The following CACNA1A variants were observed in gnomAD, a reference collection of about 807,000 sequenced individuals.
The protein encoded by CACNA1A is calcium voltage-gated channel subunit alpha1 A.
In CACNA1A, 57 loss-of-function variants were observed where a neutral mutation model predicts 262.4. That is an observed-to-expected ratio of 0.22 (90% confidence interval 0.18 to 0.27). The LOEUF (loss-of-function observed/expected upper bound fraction) is 0.27. CACNA1A is among the 10% of genes least tolerant of loss of function. CACNA1A has a pLI of 1.00. For missense variants in CACNA1A, 2,526 were observed against 3,562.8 expected, an observed-to-expected ratio of 0.71 and a Z score of 7.41; for synonymous variants, 1,431 against 1,419.3, an observed-to-expected ratio of 1.01 and a Z score of -0.18.
chr19:13,392,233 A>AAAAG (rs1226919252), intron 3 of CACNA1A, among the ~76,000 whole-genome samples: 2 of 152,074 alleles, frequency 1.3e-5, no homozygotes, highest in South Asian at 2.1e-4. Context: ...AAGAAAAGAA[A>AAAAG]AAAGAAAGAA....
intron 19 of CACNA1A, among the ~76,000 whole-genome samples, chr19:13,294,690 T>C (rs902720514): frequency 5.9e-5 from 9 of 152,096 alleles, no homozygotes; most frequent in African/African-American, 2.2e-4. Flanking sequence ...GGTTTTGCCA[T>C]GTTGGCCAAG....
intron 5 of CACNA1A, among the ~76,000 whole-genome samples, chr19:13,360,373 T>C (rs1442682833): frequency 6.6e-6 from 1 of 151,692 alleles, no homozygotes; most frequent in Non-Finnish European, 1.5e-5. Context: ...TGATTCACCA[T>C]GTACCTATCA....
Position 13,208,878 on chromosome 19 carries a change from G to A in CACNA1A, c.6658C>T (p.Pro2220Ser). ...HHHHHHHHHHPPPPDKDRYAQ... is the reference protein window; with the variant it reads ...HHHHHHHHHHSPPPDKDRYAQ... ...TAGCGGTCCTTGTCGGGGGGCGGGGGATGGTGGTGGTGGTGGTGGTGGTGG... is the reference window on the plus strand; with the variant it reads ...TAGCGGTCCTTGTCGGGGGGCGGGGAATGGTGGTGGTGGTGGTGGTGGTGG... Residue 2220 changes from proline (P) to serine (S), a missense_variant, in exon 46 of 47, where the codon CCC (proline) becomes TCC (serine). By Grantham distance (74) the Pro-to-Ser change is moderately conservative (BLOSUM62 -1). This residue lies in a region of CACNA1A where 929 missense variants were observed against 868.1 expected (regional missense o/e 1.07). Coordinates refer to ENST00000360228, the MANE Select transcript of CACNA1A (RefSeq NM_001127222.2). 8.2e-7 allele frequency: 1 copy of A among 1,226,858 alleles called. No homozygotes were observed. The highest frequency in any genetic ancestry group is 1.1e-6 in the Non-Finnish European group (1 of 922,654). The allele number at this position is 1,226,858 out of a possible 1,614,324, so 76.0% of individuals were successfully genotyped here. A position where few individuals can be genotyped will look rare whatever the true frequency, so the allele number is the denominator to read the frequency against.
chr19:13,363,504 C>A (rs201458776), intron 5 of CACNA1A: 8,235 of 98,650 alleles, frequency 0.083, 416 homozygotes, highest in East Asian at 0.23. Flanking sequence ...AAAAAAAAAA[C>A]CAACAAACCA....
In CACNA1A at chr19:13,312,681, G is replaced by T; in HGVS notation, c.1656C>A (p.Cys552Ter). Residue 552 changes from cysteine (C) to a stop codon, truncating the protein, a stop_gained, in exon 12 of 47, where the codon TGC becomes TGA. Coordinates refer to ENST00000360228, the MANE Select transcript of CACNA1A (RefSeq NM_001127222.2). LOFTEE classifies it high-confidence loss of function. ...CAAGAGCACTTACCCCACAGTCAAA[G>T]CAGTTGAAGGAAGAGTGGAAGTAAG... ...TRPYFHSSFN[C>*]FDCGVIIGSI... 1 of 1,583,510 alleles carries T rather than the reference G, an allele frequency of 6.3e-7. No homozygotes were observed. The highest frequency in any genetic ancestry group is 8.6e-7 in the Non-Finnish European group (1 of 1,164,542).
Position 13,370,443 on chromosome 19 carries a change from T to C in CACNA1A, c.631+1245A>G, listed in dbSNP as rs116535646. 7.8e-3 allele frequency among the ~76,000 whole-genome samples: 1,184 copies of C among 151,988 alleles called. 15 individuals are homozygous for C. Among genetic ancestry groups the C allele is most frequent in the African/African-American group, 0.026 (1,071 of 41,474 alleles). ...TTTTTAAACTTTTTGTTGTCTGTTT[T>C]TTTGAGACAAGGTCTCACTCTGTTG... On this transcript the variant is annotated intron_variant, in intron 4 of 46. Transcript: ENST00000360228.
At chr19:13,318,256 A>AG (rs1157269020) in intron 10 of CACNA1A, among the ~76,000 whole-genome samples, 1 of 152,166 alleles carries the variant, frequency 6.6e-6, no homozygotes, top group African/African-American at 2.4e-5. Flanking sequence ...TTAGTATCTT[A>AG]GGTAGAGGAA....
intron 3 of CACNA1A, among the ~76,000 whole-genome samples, chr19:13,407,471 A>T (rs879637948): frequency 2.0e-5 from 3 of 152,206 alleles, no homozygotes; most frequent in Admixed American, 2.0e-4. Context: ...CAGGCTTGTT[A>T]CAAGAATTAA....
intron 7 of CACNA1A, among the ~76,000 whole-genome samples, chr19:13,335,508 T>C (rs1467580011): frequency 6.6e-6 from 1 of 152,254 alleles, no homozygotes. Flanking sequence ...AATACACCGT[T>C]AGAGCATATG....
chr19:13,482,874 GT>G (rs1979517307), intron 1 of CACNA1A, among the ~76,000 whole-genome samples: 1 of 151,448 alleles, frequency 6.6e-6, no homozygotes, highest in East Asian at 1.9e-4. Context: ...GTGTGTGTGT[GT>G]GTGTGTGTGT....
At chr19:13,494,078 CATG>C (rs1165744496) in intron 1 of CACNA1A, among the ~76,000 whole-genome samples, 1 of 152,210 alleles carries the variant, frequency 6.6e-6, no homozygotes, top group East Asian at 1.9e-4. Flanking sequence ...ATACAAGCTC[CATG>C]ATACTTAAGA....
chr19:13,215,729 G>A (rs1388565016), intron 38 of CACNA1A, among the ~76,000 whole-genome samples: 3 of 150,782 alleles, frequency 2.0e-5, no homozygotes, highest in African/African-American at 4.9e-5. Flanking sequence ...AGATTCTCCC[G>A]CTTCAGCTTC....
chr19:13,243,741 T>C (rs1044938023), intron 31 of CACNA1A: 1 of 152,150 alleles, frequency 6.6e-6, no homozygotes, highest in Non-Finnish European at 1.5e-5. Flanking sequence ...GTATTGTCAG[T>C]AGAGATGGGG....
At chr19:13,359,889 G>T in intron 5 of CACNA1A, 90 bp from the exon 6 acceptor site, 2 of 835,420 alleles carry the variant, frequency 2.4e-6, no homozygotes, top group Non-Finnish European at 3.6e-6. Flanking sequence ...AATGCTGTTG[G>T]AACGAATAAC....
chr19:13,266,865 G>A (rs1245882603), intron 24 of CACNA1A, among the ~76,000 whole-genome samples: 1 of 152,152 alleles, frequency 6.6e-6, no homozygotes, highest in African/African-American at 2.4e-5. Context: ...GTGAGCCACC[G>A]TGTCTGGCCC....
intron 3 of CACNA1A, among the ~76,000 whole-genome samples, chr19:13,428,119 G>A (rs2060439638): frequency 6.6e-6 from 1 of 152,102 alleles, no homozygotes; most frequent in Non-Finnish European, 1.5e-5. Context: ...GCAGAGACAG[G>A]GTTTCACCCT....
At chr19:13,412,341 C>T (rs2144742217) in intron 3 of CACNA1A, among the ~76,000 whole-genome samples, 2 of 152,158 alleles carry the variant, frequency 1.3e-5, no homozygotes, top group East Asian at 3.9e-4. Context: ...GGACTGCAGC[C>T]ATGTGCCACT....
chr19:13,270,967 C>T (rs1017846491), intron 24 of CACNA1A, among the ~76,000 whole-genome samples: 5 of 152,144 alleles, frequency 3.3e-5, no homozygotes, highest in African/African-American at 9.7e-5. Context: ...GGCCTGAAAT[C>T]CCTATCCAGA....
At chr19:13,275,673 G>T (rs1600224206) in intron 24 of CACNA1A, 177 bp downstream of exon 24, 5 of 631,818 alleles carry the variant, frequency 7.9e-6, no homozygotes, top group Non-Finnish European at 1.4e-5. Context: ...CTTCCTCCAT[G>T]GACATCATGC....
Sources: allele counts gnomAD v4.1 joint callset (sites outside exome capture counted in the v4.1 genomes callset), GRCh38; gene constraint gnomAD v4.1.1; regional missense constraint gnomAD v4.1.1; transcripts MANE v1.5; gene names NCBI Gene and HGNC (gene_info 2026-07-23, HGNC 2026-07-21).